Variants in DLGAP1 observed in about 807,000 individuals in gnomAD.
DLGAP1 encodes DLG associated protein 1, also known as disks large-associated protein 1.
Under a neutral mutation model 90.8 loss-of-function variants are expected in DLGAP1, and 11 were observed. That is an observed-to-expected ratio of 0.12 (90% CI 0.08 to 0.20). DLGAP1 has a LOEUF of 0.20. DLGAP1 is among the 10% of genes least tolerant of loss of function. The probability of loss-of-function intolerance (pLI) is 1.00; values close to 1 mark genes in which losing one functional copy is unlikely to be tolerated. For synonymous variants in DLGAP1, 558 were observed against 540.7 expected, an observed-to-expected ratio of 1.03 and a Z score of -0.44; for missense variants, 1,050 against 1,333.8, an observed-to-expected ratio of 0.79 and a Z score of 3.31.
chr18:3,593,497 GTCT>G (rs1210393494), intron 7 of DLGAP1, among the ~76,000 whole-genome samples: 3 of 152,160 alleles, frequency 2.0e-5, no homozygotes, highest in Non-Finnish European at 2.9e-5. Flanking sequence ...GTATCCCACA[GTCT>G]TCTCTCCCAG....
intron 7 of DLGAP1, among the ~76,000 whole-genome samples, chr18:3,610,891 T>G (rs1001640341): frequency 7.3e-5 from 11 of 151,644 alleles, no homozygotes; most frequent in African/African-American, 2.7e-4. Flanking sequence ...TCTTTTTTTT[T>G]TTTGAGTTTT....
intron 7 of DLGAP1, among the ~76,000 whole-genome samples, chr18:3,610,889 T>C (rs2057580861): frequency 6.6e-6 from 1 of 151,564 alleles, no homozygotes; most frequent in Non-Finnish European, 1.5e-5. Context: ...GGTCTTTTTT[T>C]TTTTTGAGTT....
intron 4 of DLGAP1, among the ~76,000 whole-genome samples, chr18:3,826,373 T>C (rs1357556361): frequency 4.0e-5 from 6 of 151,850 alleles, no homozygotes; most frequent in African/African-American, 1.5e-4. Flanking sequence ...TATGGAAAAA[T>C]GAAAGCAGGA....
At chr18:4,443,439 A>G (rs1380149238) in intron 1 of DLGAP1, among the ~76,000 whole-genome samples, 1 of 152,156 alleles carries the variant, frequency 6.6e-6, no homozygotes, top group Non-Finnish European at 1.5e-5. Context: ...AAGGGATGGC[A>G]TGTGTTCCTG....
At position 3,948,833 on chromosome 18, in the gene DLGAP1, G is replaced by T. The variant is rs557368765; in HGVS notation, c.-73+56283C>A. ...ATTGGGTTCAGTGTATACTGCTCGG[G>T]TGATGGGTGCACCAAAATCTCACAA... is the stretch of plus-strand genomic sequence containing the variant. On this transcript the variant is annotated intron_variant, in intron 3 of 12. Transcript: ENST00000315677. Among the ~76,000 whole-genome samples, 10 of 152,180 alleles carry T rather than the reference G, an allele frequency of 6.6e-5. No individual in the cohort carries two copies. The East Asian group carries it at 1.2e-3, about 18-fold the overall frequency.
chr18:3,741,327 C>CCA (rs1444910194), intron 6 of DLGAP1, among the ~76,000 whole-genome samples: 1 of 136,398 alleles, frequency 7.3e-6, no homozygotes, highest in African/African-American at 3.2e-5. Flanking sequence ...ACCACCACCA[C>CCA]CATCACCACC....
chr18:4,397,896 GA>G (rs1265605735), intron 1 of DLGAP1, among the ~76,000 whole-genome samples: 2 of 152,024 alleles, frequency 1.3e-5, no homozygotes, highest in South Asian at 2.1e-4. Context: ...GTTTATGAGT[GA>G]AAAAAAGGTT....
intron 6 of DLGAP1, among the ~76,000 whole-genome samples, chr18:3,736,412 A>C (rs1249287839): frequency 6.6e-6 from 1 of 152,154 alleles, no homozygotes; most frequent in Non-Finnish European, 1.5e-5. Flanking sequence ...TACTGCTGTG[A>C]GTAATAAATG....
intron 2 of DLGAP1, among the ~76,000 whole-genome samples, chr18:4,125,548 GAC>G (rs2076219700): frequency 6.6e-6 from 1 of 152,184 alleles, no homozygotes; most frequent in Non-Finnish European, 1.5e-5. Flanking sequence ...GAATAGTGGA[GAC>G]TCAAGAGGCA....
intron 3 of DLGAP1, among the ~76,000 whole-genome samples, chr18:3,921,550 G>T (rs1040243074): frequency 7.9e-5 from 12 of 152,296 alleles, no homozygotes; most frequent in African/African-American, 2.6e-4. Context: ...AATAAAAAAT[G>T]CAGGAGGTTA....
intron 7 of DLGAP1, among the ~76,000 whole-genome samples, chr18:3,590,984 A>G (rs1347091978): frequency 6.6e-6 from 1 of 152,130 alleles, no homozygotes; most frequent in Non-Finnish European, 1.5e-5. Flanking sequence ...AACAAAAATT[A>G]TGGGTTTGTT....
intron 1 of DLGAP1, among the ~76,000 whole-genome samples, chr18:4,259,392 C>G (rs960908265): frequency 3.9e-5 from 6 of 152,152 alleles, no homozygotes; most frequent in African/African-American, 1.4e-4. Context: ...TAGACTTGTG[C>G]CTAACTCATA....
chr18:4,409,993 A>G (rs1054162763), intron 1 of DLGAP1, among the ~76,000 whole-genome samples: 1 of 152,226 alleles, frequency 6.6e-6, no homozygotes, highest in Non-Finnish European at 1.5e-5. Context: ...GGAATGAATT[A>G]ACAGCATTTG....
chr18:4,318,210 C>A (rs1057231759), intron 1 of DLGAP1, among the ~76,000 whole-genome samples: 1 of 152,164 alleles, frequency 6.6e-6, no homozygotes, highest in African/African-American at 2.4e-5. Context: ...TGGCAAATGG[C>A]TCAAATACTT....
At chr18:3,728,391 C>G (rs749482223) in intron 7 of DLGAP1, among the ~76,000 whole-genome samples, 1 of 150,848 alleles carries the variant, frequency 6.6e-6, no homozygotes, top group Non-Finnish European at 1.5e-5. Flanking sequence ...CATATGCACA[C>G]ATTGTCATAT....
intron 5 of DLGAP1, among the ~76,000 whole-genome samples, chr18:3,808,234 C>T (rs2066659985): frequency 6.6e-6 from 1 of 151,810 alleles, no homozygotes; most frequent in East Asian, 1.9e-4. Context: ...CTGTTTTAAA[C>T]GTGTCGCGTT....
chr18:3,967,411 G>A (rs995056439), intron 3 of DLGAP1, among the ~76,000 whole-genome samples: 1 of 152,176 alleles, frequency 6.6e-6, no homozygotes, highest in African/African-American at 2.4e-5. Context: ...GTGGTACTGC[G>A]ATCAACAGAC....
chr18:3,525,823 G>T (rs1204407442), intron 10 of DLGAP1, among the ~76,000 whole-genome samples: 1 of 152,226 alleles, frequency 6.6e-6, no homozygotes, highest in African/African-American at 2.4e-5. Context: ...CCTAGGAACA[G>T]ATCTGTTTCC....
At chr18:3,731,708 T>A (rs536695416) in intron 6 of DLGAP1, among the ~76,000 whole-genome samples, 1 of 152,180 alleles carries the variant, frequency 6.6e-6, no homozygotes, top group South Asian at 2.1e-4. Context: ...GGCTCCTGGC[T>A]AAACTTATAT....
Sources: allele counts gnomAD v4.1 joint callset (sites outside exome capture counted in the v4.1 genomes callset), GRCh38; gene constraint gnomAD v4.1.1; transcripts MANE v1.5; gene names NCBI Gene and HGNC (gene_info 2026-07-23, HGNC 2026-07-21).